The following ADAMTSL1 variants were observed in gnomAD, a reference collection of about 807,000 sequenced individuals.
ADAMTSL1 encodes ADAMTS-like protein 1.
In ADAMTSL1, 126 loss-of-function variants were observed where a neutral mutation model predicts 201.8. The ratio of observed to expected loss-of-function variants is 0.62; its 90% CI spans 0.54 to 0.72. The LOEUF (loss-of-function observed/expected upper bound fraction) is 0.72. Ranked by LOEUF, ADAMTSL1 falls within the 30% of genes least tolerant of loss-of-function variation. ADAMTSL1 has a pLI of 0.00. For missense variants in ADAMTSL1, 2,679 were observed against 2,277.8 expected, an observed-to-expected ratio of 1.18 and a Z score of -3.59; for synonymous variants, 1,121 against 903.4, an observed-to-expected ratio of 1.24 and a Z score of -4.32.
At chr9:18,679,163 C>G (rs1489330184) in intron 10 of ADAMTSL1, among the ~76,000 whole-genome samples, 1 of 152,068 alleles carries the variant, frequency 6.6e-6, no homozygotes, top group Non-Finnish European at 1.5e-5. Flanking sequence ...ACAATGTACA[C>G]AAAAAACCCG....
intron 2 of ADAMTSL1, among the ~76,000 whole-genome samples, chr9:18,256,915 CT>C (rs1831711138): frequency 6.6e-6 from 1 of 152,188 alleles, no homozygotes; most frequent in South Asian, 2.1e-4. Flanking sequence ...ACTTTTACCC[CT>C]CTTCTGTGCT....
At chr9:18,697,613 A>G (rs1005271580) in intron 13 of ADAMTSL1, among the ~76,000 whole-genome samples, 4 of 152,238 alleles carry the variant, frequency 2.6e-5, no homozygotes, top group Non-Finnish European at 4.4e-5. Flanking sequence ...TTCACTTATT[A>G]TTGCTATATT....
intron 2 of ADAMTSL1, among the ~76,000 whole-genome samples, chr9:18,436,889 C>T (rs1047403760): frequency 2.0e-5 from 3 of 152,118 alleles, no homozygotes; most frequent in Admixed American, 2.0e-4. Flanking sequence ...GAGATACACC[C>T]GTAAGGAAGG....
intron 20 of ADAMTSL1, among the ~76,000 whole-genome samples, chr9:18,797,644 T>A (rs1274168331): frequency 1.3e-5 from 2 of 152,198 alleles, no homozygotes; most frequent in Non-Finnish European, 1.5e-5. Context: ...CATTTCTAAG[T>A]TTTATTGCCA....
chr9:18,501,970 A>G, intron 1 of ADAMTSL1, among the ~76,000 whole-genome samples: 1 of 152,232 alleles, frequency 6.6e-6, no homozygotes, highest in Non-Finnish European at 1.5e-5. Flanking sequence ...AACAAGGCAC[A>G]TGAAAAATAT....
intron 2 of ADAMTSL1, among the ~76,000 whole-genome samples, chr9:18,435,144 T>A (rs193084821): frequency 7.9e-5 from 12 of 152,370 alleles, no homozygotes; most frequent in African/African-American, 2.9e-4. Context: ...TTTTCAAGAA[T>A]CATTTTTAGA....
intron 2 of ADAMTSL1, among the ~76,000 whole-genome samples, chr9:18,442,786 G>T (rs941734703): frequency 1.3e-5 from 2 of 152,200 alleles, no homozygotes; most frequent in Non-Finnish European, 2.9e-5. Context: ...GTCATGCATA[G>T]ACTGGGTGGT....
At chr9:18,407,741 T>A (rs1431839249) in intron 2 of ADAMTSL1, among the ~76,000 whole-genome samples, 1 of 152,124 alleles carries the variant, frequency 6.6e-6, no homozygotes, top group Non-Finnish European at 1.5e-5. Flanking sequence ...GAGGTGTGTA[T>A]AGGAAGTCAA....
At chr9:18,239,771 G>A (rs973371829) in intron 2 of ADAMTSL1, among the ~76,000 whole-genome samples, 4 of 151,054 alleles carry the variant, frequency 2.6e-5, no homozygotes, top group Non-Finnish European at 4.4e-5. Context: ...AAGAAGGAAA[G>A]AAGAAAGGAA....
intron 2 of ADAMTSL1, among the ~76,000 whole-genome samples, chr9:18,176,237 C>G (rs1396674387): frequency 6.6e-6 from 1 of 151,866 alleles, no homozygotes; most frequent in Non-Finnish European, 1.5e-5. Flanking sequence ...TATTTTTAAG[C>G]AAGGAATATG....
chr9:18,119,584 T>C (rs191206211), intron 1 of ADAMTSL1, among the ~76,000 whole-genome samples: 4 of 152,166 alleles, frequency 2.6e-5, no homozygotes, highest in Non-Finnish European at 5.9e-5. Context: ...ATTACAGGCC[T>C]GCATATTTTT....
chr9:18,206,684 A>G (rs191851681), intron 2 of ADAMTSL1, among the ~76,000 whole-genome samples: 126 of 152,302 alleles, frequency 8.3e-4, no homozygotes, highest in African/African-American at 2.8e-3. Context: ...GACTTAAAAA[A>G]ATATTTGTTG....
At chr9:18,731,205 G>A (rs896617121) in intron 15 of ADAMTSL1, among the ~76,000 whole-genome samples, 1 of 152,210 alleles carries the variant, frequency 6.6e-6, no homozygotes, top group South Asian at 2.1e-4. Flanking sequence ...GATACTGCCT[G>A]GAAAAAAAGA....
chr9:18,275,330 A>C (rs1180222536), intron 2 of ADAMTSL1, among the ~76,000 whole-genome samples: 1 of 152,130 alleles, frequency 6.6e-6, no homozygotes, highest in Non-Finnish European at 1.5e-5. Flanking sequence ...TTTCATACCC[A>C]TTTATTTTAC....
chr9:18,454,223 G>A (rs1001656065), intron 2 of ADAMTSL1, among the ~76,000 whole-genome samples: 4 of 152,212 alleles, frequency 2.6e-5, no homozygotes, highest in African/African-American at 9.6e-5. Context: ...GGCTGATGGT[G>A]TAAATCATAT....
chr9:18,524,996 G>A (rs1818944947), intron 2 of ADAMTSL1, among the ~76,000 whole-genome samples: 1 of 152,156 alleles, frequency 6.6e-6, no homozygotes, highest in Admixed American at 6.5e-5. Context: ...CTATTGATTG[G>A]AATAGTTTCA....
chr9:18,863,922 C>A (rs16937158), intron 23 of ADAMTSL1, among the ~76,000 whole-genome samples: 1 of 152,146 alleles, frequency 6.6e-6, no homozygotes, highest in Non-Finnish European at 1.5e-5. Context: ...ACTGACTACA[C>A]CAAGTGCCAA....
At chr9:18,318,176 A>G (rs1834481140) in intron 2 of ADAMTSL1, among the ~76,000 whole-genome samples, 1 of 152,198 alleles carries the variant, frequency 6.6e-6, no homozygotes, top group Non-Finnish European at 1.5e-5. Context: ...ATGTTATGCT[A>G]ATTTGCATTG....
intron 2 of ADAMTSL1, among the ~76,000 whole-genome samples, chr9:18,432,469 A>C (rs1242391655): frequency 2.0e-5 from 3 of 152,232 alleles, no homozygotes; most frequent in Non-Finnish European, 2.9e-5. Flanking sequence ...ATAGTCATAT[A>C]GTAGAAATGA....
Sources: gnomAD v4.1 joint callset for allele counts (sites outside exome capture counted in the v4.1 genomes callset) on GRCh38, gnomAD v4.1.1 for gene constraint, MANE v1.5 for transcripts, NCBI Gene and HGNC (gene_info 2026-07-23, HGNC 2026-07-21) for gene names.